Variants in TMIGD3 observed in about 807,000 individuals in gnomAD.
TMIGD3 encodes the protein AD026 protein (AD026).
A neutral mutation model predicts 28.1 loss-of-function variants in TMIGD3; 21 were observed. The ratio of observed to expected loss-of-function variants is 0.75; its 90% CI spans 0.53 to 1.08. The LOEUF (loss-of-function observed/expected upper bound fraction) is 1.08. TMIGD3 is among the 50% of genes least tolerant of loss of function. TMIGD3 has a pLI of 0.00. For synonymous variants in TMIGD3, 151 were observed against 162.1 expected (o/e 0.93, Z 0.52); for missense variants, 416 against 435.6 (o/e 0.96, Z 0.40).
At chr1:111,493,723 C>T (rs1421692630) in intron 1 of TMIGD3, among the ~76,000 whole-genome samples, 2 of 152,166 alleles carry the variant, frequency 1.3e-5, no homozygotes, top group Admixed American at 1.3e-4. Flanking sequence ...AAAATTGAGG[C>T]TCAGAAGCTT....
intron 1 of TMIGD3, chr1:111,500,004 C>G: frequency 1.2e-6 from 2 of 1,614,104 alleles, no homozygotes; most frequent in South Asian, 1.1e-5. Context: ...GATGGCAGAC[C>G]ACACAAGCTT....
intron 1 of TMIGD3, chr1:111,563,792 G>T: frequency 7.1e-7 from 1 of 1,406,852 alleles, no homozygotes; most frequent in Non-Finnish European, 1.0e-6. Flanking sequence ...TCAGTATGCA[G>T]ACTCAGACCC....
intron 1 of TMIGD3, among the ~76,000 whole-genome samples, chr1:111,556,911 G>A (rs2789530): frequency 0.47 from 70,957 of 150,908 alleles, 17,012 homozygotes; most frequent in African/African-American, 0.58. Context: ...TTATATATAT[G>A]TATGTACATA....
At chr1:111,501,017 G>C (rs1655147789) in intron 1 of TMIGD3, 1 of 179,608 alleles carries the variant, frequency 5.6e-6, no homozygotes, top group African/African-American at 2.4e-5. Flanking sequence ...TAAGGTGTAA[G>C]CCTAAGAATT....
chr1:111,561,246 C>T (rs1657724426), intron 1 of TMIGD3, among the ~76,000 whole-genome samples: 1 of 152,190 alleles, frequency 6.6e-6, no homozygotes, highest in Admixed American at 6.5e-5. Context: ...ACTTCAGCCT[C>T]CCAAGTAGCT....
intron 1 of TMIGD3, among the ~76,000 whole-genome samples, chr1:111,521,025 T>A (rs1025973493): frequency 8.8e-5 from 12 of 136,488 alleles, no homozygotes; most frequent in Non-Finnish European, 1.6e-4. Flanking sequence ...TCCCACCCTA[T>A]CCCCTAACTA....
chr1:111,491,361 C>T (rs7547951), intron 1 of TMIGD3, among the ~76,000 whole-genome samples: 20,501 of 152,326 alleles, frequency 0.13, 1,558 homozygotes, highest in Middle Eastern at 0.2. Flanking sequence ...TGGGACAAAG[C>T]AAGGAGATTC....
chr1:111,497,143 T>C (rs1024156836), intron 1 of TMIGD3, among the ~76,000 whole-genome samples: 4 of 152,160 alleles, frequency 2.6e-5, no homozygotes, highest in African/African-American at 4.8e-5. Flanking sequence ...CGGAGTGTCG[T>C]TCTGTCGCCC....
chr1:111,495,849 T>C (rs1228185977), intron 1 of TMIGD3, among the ~76,000 whole-genome samples: 1 of 152,230 alleles, frequency 6.6e-6, no homozygotes, highest in Non-Finnish European at 1.5e-5. Context: ...ATCATGTCCT[T>C]TGCAGGAACA....
At chr1:111,526,000 T>A (rs2101008412) in intron 1 of TMIGD3, among the ~76,000 whole-genome samples, 1 of 152,352 alleles carries the variant, frequency 6.6e-6, no homozygotes, top group South Asian at 2.1e-4. Context: ...TGGATTTAAA[T>A]CTATCATCTG....
intron 1 of TMIGD3, among the ~76,000 whole-genome samples, chr1:111,544,413 G>A (rs1258288621): frequency 4.6e-5 from 7 of 151,988 alleles, no homozygotes; most frequent in Admixed American, 3.9e-4. Context: ...TGTCTCTATG[G>A]ATTTGACTAT....
intron 1 of TMIGD3, among the ~76,000 whole-genome samples, chr1:111,536,833 T>C (rs964686569): frequency 6.6e-6 from 1 of 152,088 alleles, no homozygotes; most frequent in African/African-American, 2.4e-5. Context: ...CAATCCTTCA[T>C]TCATCCCCCA....
At chr1:111,535,564 G>A (rs1432212924) in intron 1 of TMIGD3, among the ~76,000 whole-genome samples, 2 of 152,210 alleles carry the variant, frequency 1.3e-5, no homozygotes, top group South Asian at 2.1e-4. Flanking sequence ...AATGGTCATC[G>A]TAGGCAGAGC....
chr1:111,549,930 G>A (rs1657195038), intron 1 of TMIGD3, among the ~76,000 whole-genome samples: 1 of 152,194 alleles, frequency 6.6e-6, no homozygotes, highest in Non-Finnish European at 1.5e-5. Flanking sequence ...TGGAATTACA[G>A]GCATGAGCAC....
intron 1 of TMIGD3, chr1:111,500,241 A>T: frequency 6.2e-7 from 1 of 1,614,222 alleles, no homozygotes; most frequent in Middle Eastern, 1.6e-4. Context: ...ACTCCCGTCC[A>T]TAAAATGCAC....
At chr1:111,548,621 G>T (rs867885637) in intron 1 of TMIGD3, among the ~76,000 whole-genome samples, 1 of 152,166 alleles carries the variant, frequency 6.6e-6, no homozygotes, top group Admixed American at 6.5e-5. Context: ...GCTGTTAATC[G>T]TTGATCCTCT....
At chr1:111,523,273 G>T (rs1439096017) in intron 1 of TMIGD3, among the ~76,000 whole-genome samples, 1 of 152,156 alleles carries the variant, frequency 6.6e-6, no homozygotes, top group African/African-American at 2.4e-5. Context: ...TTAATATATG[G>T]ATTATAAATT....
chr1:111,486,469 A>T (rs1250953944), intron 4 of TMIGD3, 117 bp downstream of exon 4: 11 of 718,280 alleles, frequency 1.5e-5, no homozygotes, highest in Non-Finnish European at 2.5e-5. Flanking sequence ...TGGAGAAATA[A>T]TGTGCAGTAG....
chr1:111,489,095 C>T, intron 2 of TMIGD3, 71 bp from the exon 3 acceptor site: 1 of 1,387,378 alleles, frequency 7.2e-7, no homozygotes, highest in Non-Finnish European at 9.9e-7. Flanking sequence ...CATTGCAGCT[C>T]CTGCCCTCCT....
Sources: gnomAD v4.1 joint callset for allele counts (sites outside exome capture counted in the v4.1 genomes callset) on GRCh38, gnomAD v4.1.1 for gene constraint, MANE v1.5 for transcripts, NCBI Gene and HGNC (gene_info 2026-07-23, HGNC 2026-07-21) for gene names.